ITIH5: variants seen among roughly 807,000 people sequenced by gnomAD.
ITIH5 encodes the protein inter-alpha-trypsin inhibitor heavy chain 5.
A neutral mutation model predicts 77.5 loss-of-function variants in ITIH5; 65 were observed. That is an observed-to-expected ratio of 0.84 (90% confidence interval 0.69 to 1.03). The LOEUF is 1.03. ITIH5 is among the 50% of genes least tolerant of loss of function. ITIH5 has a pLI of 0.00. For synonymous variants in ITIH5, 525 were observed against 494.3 expected (o/e 1.06, Z -0.82); for missense variants, 1,208 against 1,213.1 (o/e 1.00, Z 0.06).
intron 5 of ITIH5, chr10:7,619,681 T>C: frequency 4.0e-6 from 1 of 249,934 alleles, no homozygotes; most frequent in South Asian, 3.6e-5. Flanking sequence ...GAGACAGAAC[T>C]GGGAAGCGCC....
intron 8 of ITIH5, among the ~76,000 whole-genome samples, chr10:7,584,843 T>C (rs1832641364): frequency 6.6e-6 from 1 of 152,220 alleles, no homozygotes; most frequent in Non-Finnish European, 1.5e-5. Context: ...CACTATCATA[T>C]TAAATCTAAT....
chr10:7,632,881 G>A (rs1465647528), intron 5 of ITIH5, among the ~76,000 whole-genome samples: 2 of 152,168 alleles, frequency 1.3e-5, no homozygotes, highest in African/African-American at 2.4e-5. Flanking sequence ...TGGGGATCTT[G>A]TCATAAATGA....
At chr10:7,657,815 T>C (rs554241523) in intron 1 of ITIH5, among the ~76,000 whole-genome samples, 4 of 152,358 alleles carry the variant, frequency 2.6e-5, no homozygotes, top group African/African-American at 4.8e-5. Context: ...ATTAAGTTAA[T>C]GTTCAGTGTC....
In ITIH5 at chr10:7,563,178, C is replaced by T. The variant is rs768283912; in HGVS notation, c.2734G>A (p.Ala912Thr). 22 of 1,614,156 alleles carry T rather than the reference C, an allele frequency of 1.4e-5. No homozygotes were observed. The East Asian group carries it at 2.0e-4, about 15-fold the overall frequency. Residue 912 changes from alanine (A) to threonine (T), a missense_variant, in exon 14 of 14, where the codon GCC becomes ACC. Physicochemically the swap from Ala to Thr is moderately conservative, Grantham distance 58 (BLOSUM62 0). Transcript: ENST00000397146. ...TTGTACTCCCCGTCAATCAGTTTGG[C>T]GGCATTGTTCCTGGCAAACCAGCAG... ...IDCWFARNNA[A>T]KLIDGEYKDY... is the part of the protein sequence containing the mutation.
chr10:7,638,217 G>A (rs1356368364), intron 4 of ITIH5, among the ~76,000 whole-genome samples: 2 of 152,174 alleles, frequency 1.3e-5, no homozygotes, highest in Admixed American at 6.5e-5. Context: ...CTGAATTCAG[G>A]ACACCACAAG....
intron 2 of ITIH5, among the ~76,000 whole-genome samples, chr10:7,652,945 A>G (rs1016028967): frequency 6.6e-6 from 1 of 152,216 alleles, no homozygotes; most frequent in African/African-American, 2.4e-5. Flanking sequence ...GCTAACAAAT[A>G]TAATTTAAAA....
At chr10:7,607,483 A>G (rs1446649465) in intron 7 of ITIH5, among the ~76,000 whole-genome samples, 1 of 152,222 alleles carries the variant, frequency 6.6e-6, no homozygotes, top group African/African-American at 2.4e-5. Context: ...CTGTCTCTAC[A>G]GAAAGAAAGA....
intron 7 of ITIH5, among the ~76,000 whole-genome samples, chr10:7,615,202 G>C (rs1157058486): frequency 6.6e-6 from 1 of 152,144 alleles, no homozygotes; most frequent in Non-Finnish European, 1.5e-5. Context: ...AGTGAGCTGA[G>C]ATCACGCCAT....
chr10:7,609,311 G>C (rs2131021875), intron 7 of ITIH5: 1 of 387,242 alleles, frequency 2.6e-6, no homozygotes, highest in Middle Eastern at 3.7e-4. Context: ...TGGGCTGGTA[G>C]TTTGGCAGCA....
intron 2 of ITIH5, among the ~76,000 whole-genome samples, chr10:7,644,932 T>TAC (rs1833985731): frequency 3.6e-5 from 1 of 27,508 alleles, no homozygotes; most frequent in South Asian, 1.8e-3. Context: ...ATCACATATA[T>TAC]ATATCACATA....
intron 7 of ITIH5, among the ~76,000 whole-genome samples, chr10:7,611,541 G>A (rs989099659): frequency 2.0e-5 from 3 of 152,018 alleles, no homozygotes; most frequent in Non-Finnish European, 4.4e-5. Flanking sequence ...ACCCTGAAGT[G>A]CTCTGGCACC....
Position 7,665,006 on chromosome 10 carries a change from A to G in ITIH5, c.90+1797T>C, listed in dbSNP as rs78035572. On this transcript the variant is annotated intron_variant, in intron 1 of 13. Coordinates refer to ENST00000397146, the MANE Select transcript of ITIH5 (RefSeq NM_030569.7). ...CTGGTGCTAAAGCCTATGCTCTCAA[A>G]CCCTATATCACAAAAACTAAATATA... Among the ~76,000 whole-genome samples, 886 of 152,322 alleles carry G rather than the reference A, an allele frequency of 5.8e-3. 10 individuals carry two copies. The highest frequency in any genetic ancestry group is 0.02 in the African/African-American group (848 of 41,572).
intron 11 of ITIH5, chr10:7,572,218 G>A (rs769217399): frequency 8.9e-5 from 112 of 1,262,762 alleles, no homozygotes; most frequent in Admixed American, 1.1e-4. Flanking sequence ...GAACTTGCAC[G>A]TACAGCACAG....
intron 2 of ITIH5, among the ~76,000 whole-genome samples, chr10:7,642,989 G>T (rs1381435943): frequency 6.6e-6 from 1 of 152,244 alleles, no homozygotes; most frequent in Non-Finnish European, 1.5e-5. Context: ...GGGTTGCGGG[G>T]AAGGCAGTAT....
Position 7,559,856 on chromosome 10 carries a change from T to G in ITIH5, c.*3227A>C, listed in dbSNP as rs1365783556. On this transcript the variant is annotated 3_prime_UTR_variant, in exon 14 of 14. Coordinates refer to ENST00000397146, the MANE Select transcript of ITIH5 (RefSeq NM_030569.7). ...TCTCTCCCATGTCTTTTTTTTGTTT[T>G]GTTTTGTTTTTTTTTGACGGAGTTT... 1 of 449,024 alleles carries G rather than the reference T, an allele frequency of 2.2e-6. No individual in the cohort carries two copies. Among genetic ancestry groups the G allele is most frequent in the Admixed American group, 2.4e-5 (1 of 42,312 alleles). The allele number at this position is 449,024 out of a possible 1,614,324, so 27.8% of individuals were successfully genotyped here.
At chr10:7,579,683 T>C in intron 9 of ITIH5, 72 bp downstream of exon 9, 1 of 1,478,296 alleles carries the variant, frequency 6.8e-7, no homozygotes, top group South Asian at 1.2e-5. Flanking sequence ...CACACTCCTC[T>C]CTGAATTCCC....
At chr10:7,644,685 ATATATAT>A (rs1305838925) in intron 2 of ITIH5, among the ~76,000 whole-genome samples, 2 of 135,052 alleles carry the variant, frequency 1.5e-5, no homozygotes, top group South Asian at 2.3e-4. Flanking sequence ...CATATATATC[ATATATAT>A]CACATATCTA....
At chr10:7,657,242 T>A (rs912177155) in intron 1 of ITIH5, among the ~76,000 whole-genome samples, 7 of 151,230 alleles carry the variant, frequency 4.6e-5, no homozygotes, top group Non-Finnish European at 8.8e-5. Flanking sequence ...AGAGACGGAG[T>A]TTCACCATGT....
intron 7 of ITIH5, among the ~76,000 whole-genome samples, chr10:7,600,206 G>T (rs377163279): frequency 1.3e-5 from 2 of 152,158 alleles, no homozygotes; most frequent in East Asian, 3.9e-4. Context: ...AGTCATAAAG[G>T]GGGTAGGTTG....
Sources: gnomAD v4.1 joint callset for allele counts (sites outside exome capture counted in the v4.1 genomes callset) on GRCh38, gnomAD v4.1.1 for gene constraint, MANE v1.5 for transcripts, NCBI Gene and HGNC (gene_info 2026-07-23, HGNC 2026-07-21) for gene names.